TARBP1: variants seen among roughly 807,000 people sequenced by gnomAD.
The protein encoded by TARBP1 is tRNA (guanosine(18)-2'-O)-methyltransferase TARBP1.
TARBP1 carries 144 observed loss-of-function variants against 178.6 expected under a neutral mutation model. That is an observed-to-expected ratio of 0.81 (90% CI 0.70 to 0.93). The LOEUF (loss-of-function observed/expected upper bound fraction) is 0.93. Among genes scored for constraint, TARBP1 ranks in the 40% least tolerant of loss-of-function variants. The pLI is 0.00. For missense variants in TARBP1, 2,067 were observed against 2,011.7 expected, an observed-to-expected ratio of 1.03 and a Z score of -0.53; for synonymous variants, 787 against 781.0, an observed-to-expected ratio of 1.01 and a Z score of -0.13.
intron 3 of TARBP1, 54 bp from the exon 4 acceptor site, chr1:234,467,704 C>G: frequency 2.0e-6 from 3 of 1,474,832 alleles, no homozygotes; most frequent in Non-Finnish European, 1.8e-6. Context: ...ATTTCACCAT[C>G]AAGACTACAT....
At chr1:234,438,993 A>C (rs920966343) in intron 12 of TARBP1, among the ~76,000 whole-genome samples, 8 of 152,240 alleles carry the variant, frequency 5.3e-5, no homozygotes, top group African/African-American at 1.9e-4. Context: ...GAAAGATAAG[A>C]TCTATCAAGC....
intron 3 of TARBP1, among the ~76,000 whole-genome samples, chr1:234,470,800 G>C (rs922288729): frequency 1.3e-5 from 2 of 151,980 alleles, no homozygotes; most frequent in African/African-American, 4.8e-5. Flanking sequence ...ATTTTTAGTA[G>C]AGACGGAGTT....
intron 3 of TARBP1, among the ~76,000 whole-genome samples, chr1:234,468,650 C>A (rs1668703378): frequency 6.6e-6 from 1 of 152,086 alleles, no homozygotes; most frequent in Non-Finnish European, 1.5e-5. Flanking sequence ...TGCTTAAAAT[C>A]CTTCAACATC....
chr1:234,418,073 TC>T lies in TARBP1; in HGVS notation c.3705+10del, dbSNP rs748852815. 8.8e-6 allele frequency: 11 copies of T among 1,252,740 alleles called. No individual in the cohort carries two copies. The highest frequency in any genetic ancestry group is 1.6e-5 in the African/African-American group (1 of 63,198). 77.6% of individuals were successfully genotyped at this position (1,252,740 alleles called of 1,614,324 possible). ...TAGTTTAAAAATATATAAAAAATAT[TC>T]TTTACTTACATAAGAAAAACAATCC... is the stretch of plus-strand genomic sequence containing the variant. On this transcript the variant is annotated intron_variant, in intron 22 of 29. Coordinates refer to ENST00000040877, the MANE Select transcript of TARBP1 (RefSeq NM_005646.4).
At chr1:234,419,408 G>T (rs1662834726) in intron 21 of TARBP1, among the ~76,000 whole-genome samples, 1 of 152,060 alleles carries the variant, frequency 6.6e-6, no homozygotes. Flanking sequence ...AACCTCTCGG[G>T]AAGGACACCT....
At position 234,423,471 on chromosome 1, in the gene TARBP1, G is replaced by C. The variant is rs74147467; in HGVS notation, c.3444+2202C>G. 4.9e-3 allele frequency among the ~76,000 whole-genome samples: 752 copies of C among 152,238 alleles called. 5 individuals carry two copies. Among genetic ancestry groups the C allele is most frequent in the South Asian group, 0.026 (127 of 4,822 alleles). On this transcript the variant is annotated intron_variant, in intron 20 of 29. Coordinates refer to ENST00000040877, the MANE Select transcript of TARBP1 (RefSeq NM_005646.4). Reference sequence around the variant, plus strand: ...CCCCTTTTCTAGGGCAAACTCCTAAGAGACTCTATACTCACTGTCTCCACT... The same window carrying C: ...CCCCTTTTCTAGGGCAAACTCCTAACAGACTCTATACTCACTGTCTCCACT...
In TARBP1 at chr1:234,393,780, ATCT is replaced by A. The variant is rs756025912; in HGVS notation, c.4298_4300del (p.Lys1433del). On this transcript the variant is annotated inframe_deletion, in exon 27 of 30. Coordinates refer to ENST00000040877, the MANE Select transcript of TARBP1 (RefSeq NM_005646.4). ...GGAAACACGACTGTTCCACGGGATA[ATCT>A]TCTTCTGAACGTCGGTCCACTCCGC... The A allele has an allele frequency of 1.1e-5, 17 of 1,613,836 alleles. No individual in the cohort carries two copies. Among genetic ancestry groups the A allele is most frequent in the African/African-American group, 4.0e-5 (3 of 74,890 alleles).
At chr1:234,441,327 G>A (rs1403743577) in intron 12 of TARBP1, among the ~76,000 whole-genome samples, 2 of 152,080 alleles carry the variant, frequency 1.3e-5, no homozygotes, top group Non-Finnish European at 2.9e-5. Flanking sequence ...GTACATATAA[G>A]TTGATGATAT....
At chr1:234,457,530 T>C (rs1667408822) in intron 9 of TARBP1, 137 bp downstream of exon 9, 2 of 552,836 alleles carry the variant, frequency 3.6e-6, no homozygotes, top group African/African-American at 3.9e-5. Context: ...TCAAAGCAAA[T>C]ATACAATATT....
chr1:234,437,371 A>G lies in TARBP1; in HGVS notation c.2136T>C (p.Asp712=). The G allele has an allele frequency of 6.5e-7, 1 of 1,533,058 alleles. No individual in the cohort carries two copies. Among genetic ancestry groups the G allele is most frequent in the Non-Finnish European group, 8.9e-7 (1 of 1,129,572 alleles). 95.0% of individuals were successfully genotyped at this position (1,533,058 alleles called of 1,614,324 possible). A position where few individuals can be genotyped will look rare whatever the true frequency, so the allele number is the denominator to read the frequency against. The change falls in exon 13 of 30, where the codon GAT becomes GAC. Residue 712 remains aspartate, a splice_region_variant and synonymous_variant. Coordinates refer to ENST00000040877, the MANE Select transcript of TARBP1 (RefSeq NM_005646.4). ...AGTTCTGAAGAACAGTAGACACCTC[A>G]TCTGTATGGGGGCAAAAAGCATGCA... is the stretch of plus-strand genomic sequence containing the variant. ...CRLKGSSAQD[D]EVSTVLQNFF... is the part of the protein sequence containing the mutation.
At chr1:234,443,056 C>T (rs1387773036) in intron 12 of TARBP1, among the ~76,000 whole-genome samples, 1 of 152,024 alleles carries the variant, frequency 6.6e-6, no homozygotes, top group Non-Finnish European at 1.5e-5. Context: ...TTTGGGAGGT[C>T]GAGGCAGGCG....
rs1198472650 is a variant in TARBP1 at position 234,410,604 on chromosome 1, T to C, written c.3706-73A>G. 5.1e-6 allele frequency: 5 copies of C among 976,542 alleles called. No individual in the cohort carries two copies. In the East Asian group the frequency reaches 1.0e-4, roughly 20 times the overall value. The allele number at this position is 976,542 out of a possible 1,614,324, so 60.5% of individuals were successfully genotyped here. ...AAACATGCACGTGAAAGCGCCGTGCTGGACTCTATGAGGGCCCAGGACAGG... is the reference window on the plus strand; with the variant it reads ...AAACATGCACGTGAAAGCGCCGTGCCGGACTCTATGAGGGCCCAGGACAGG... On this transcript the variant is annotated intron_variant, in intron 22 of 29. Transcript: ENST00000040877.
intron 1 of TARBP1, among the ~76,000 whole-genome samples, chr1:234,475,969 G>C (rs187268390): frequency 5.9e-5 from 9 of 151,316 alleles, no homozygotes; most frequent in African/African-American, 2.2e-4. Context: ...CAAAGTAACG[G>C]TGCCTATCCC....
chr1:234,469,771 C>T (rs1011220303), intron 3 of TARBP1, among the ~76,000 whole-genome samples: 1 of 152,228 alleles, frequency 6.6e-6, no homozygotes, highest in Non-Finnish European at 1.5e-5. Context: ...TTAGGAAGCT[C>T]CAGCTTCATT....
chr1:234,440,489 G>GCACA (rs146428460), intron 12 of TARBP1, among the ~76,000 whole-genome samples: 231 of 150,356 alleles, frequency 1.5e-3, no homozygotes, highest in African/African-American at 5.5e-3. Context: ...GAGTAAGCAC[G>GCACA]CACACACACA....
intron 6 of TARBP1, among the ~76,000 whole-genome samples, chr1:234,462,551 T>C (rs1667965127): frequency 6.6e-6 from 1 of 151,974 alleles, no homozygotes; most frequent in Non-Finnish European, 1.5e-5. Context: ...TAGCTGGGCG[T>C]GGTGGCGCAT....
chr1:234,405,866 G>A (rs747540589), intron 24 of TARBP1, 37 bp downstream of exon 24: 2 of 1,582,950 alleles, frequency 1.3e-6, no homozygotes, highest in Middle Eastern at 1.7e-4. Context: ...CCTGCTGGAG[G>A]AGAGTGAGGG....
chr1:234,425,573 G>C lies in TARBP1; in HGVS notation c.3444+100C>G, dbSNP rs1302752620. Reference sequence around the variant, plus strand: ...GAACATAAACTTTGTGTTTTCTCCTGACAAAAGATATTTAGAAGTACATAT... The same window carrying C: ...GAACATAAACTTTGTGTTTTCTCCTCACAAAAGATATTTAGAAGTACATAT... On this transcript the variant is annotated intron_variant, in intron 20 of 29. Transcript: ENST00000040877. 3.9e-6 allele frequency: 5 copies of C among 1,284,724 alleles called. No homozygotes were observed. The East Asian group carries it at 1.2e-4, about 31-fold the overall frequency. The allele number at this position is 1,284,724 out of a possible 1,614,324, so 79.6% of individuals were successfully genotyped here.
intron 1 of TARBP1, among the ~76,000 whole-genome samples, chr1:234,475,632 G>A (rs1669500414): frequency 6.6e-6 from 1 of 152,242 alleles, no homozygotes; most frequent in South Asian, 2.1e-4. Context: ...AGGGAGCACA[G>A]ACAGCGAAAG....
Sources: gnomAD v4.1 joint callset for allele counts (sites outside exome capture counted in the v4.1 genomes callset) on GRCh38, gnomAD v4.1.1 for gene constraint, MANE v1.5 for transcripts, NCBI Gene and HGNC (gene_info 2026-07-23, HGNC 2026-07-21) for gene names.